MGAT4C: variants seen among roughly 807,000 people sequenced by gnomAD.
MGAT4C encodes alpha-1,3-mannosyl-glycoprotein 4-beta-N-acetylglucosaminyltransferase C.
MGAT4C carries 19 observed loss-of-function variants against 40.1 expected under a neutral mutation model. That is an observed-to-expected ratio of 0.47 (90% CI 0.33 to 0.70). MGAT4C has a LOEUF of 0.70. Ranked by LOEUF, MGAT4C falls within the 30% of genes least tolerant of loss-of-function variation. The pLI, the probability that MGAT4C is intolerant of heterozygous loss-of-function variation, is 0.02. For missense variants in MGAT4C, 491 were observed against 563.2 expected (o/e 0.87, Z 1.30); for synonymous variants, 181 against 187.1 (o/e 0.97, Z 0.27).
At chr12:86,252,822 C>A (rs975661497) in intron 1 of MGAT4C, among the ~76,000 whole-genome samples, 5 of 151,708 alleles carry the variant, frequency 3.3e-5, no homozygotes, top group South Asian at 4.2e-4. Flanking sequence ...GTAAAATAGA[C>A]AATAAAAATA....
intron 1 of MGAT4C, among the ~76,000 whole-genome samples, chr12:86,735,965 C>G (rs554511011): frequency 6.6e-6 from 1 of 151,852 alleles, no homozygotes; most frequent in African/African-American, 2.4e-5. Context: ...TTTGTATTAA[C>G]CACCCTGAAG....
At chr12:86,678,898 A>C (rs1949922069) in intron 2 of MGAT4C, among the ~76,000 whole-genome samples, 1 of 152,098 alleles carries the variant, frequency 6.6e-6, no homozygotes, top group African/African-American at 2.4e-5. Context: ...ATACGTGTGC[A>C]TGTGTCTTTA....
chr12:86,638,015 C>T (rs746873019), intron 2 of MGAT4C, among the ~76,000 whole-genome samples: 9 of 152,012 alleles, frequency 5.9e-5, no homozygotes, highest in East Asian at 5.8e-4. Flanking sequence ...AGACCCTGTA[C>T]GCAGACTTCC....
intron 2 of MGAT4C, among the ~76,000 whole-genome samples, chr12:86,667,072 T>C (rs909980366): frequency 6.6e-6 from 1 of 152,214 alleles, no homozygotes; most frequent in Non-Finnish European, 1.5e-5. Context: ...CTATTTCTTA[T>C]ATGAAACTTT....
intron 2 of MGAT4C, among the ~76,000 whole-genome samples, chr12:86,000,085 A>G (rs891936749): frequency 2.0e-5 from 3 of 152,230 alleles, no homozygotes; most frequent in Non-Finnish European, 4.4e-5. Flanking sequence ...TACAATGTAT[A>G]CACATGCATT....
At chr12:86,774,172 T>G (rs1951689550) in intron 1 of MGAT4C, among the ~76,000 whole-genome samples, 1 of 151,878 alleles carries the variant, frequency 6.6e-6, no homozygotes, top group South Asian at 2.1e-4. Context: ...CAGGCTGGTC[T>G]TGAACTTCTG....
At chr12:86,096,919 CTT>C (rs1269573298) in intron 1 of MGAT4C, among the ~76,000 whole-genome samples, 1 of 151,476 alleles carries the variant, frequency 6.6e-6, no homozygotes, top group African/African-American at 2.4e-5. Flanking sequence ...TTCTCAGCCT[CTT>C]TGTCTTTTTT....
chr12:86,591,506 T>C (rs1334403778), intron 2 of MGAT4C, among the ~76,000 whole-genome samples: 1 of 151,960 alleles, frequency 6.6e-6, no homozygotes, highest in Non-Finnish European at 1.5e-5. Context: ...TATTTTTTAA[T>C]TGATTTTTAC....
intron 2 of MGAT4C, among the ~76,000 whole-genome samples, chr12:86,614,714 A>G (rs998548408): frequency 6.6e-6 from 1 of 151,944 alleles, no homozygotes; most frequent in Non-Finnish European, 1.5e-5. Flanking sequence ...TCCACTGTAA[A>G]GAAAAACCCT....
chr12:86,494,390 ATT>A (rs1481389593), intron 2 of MGAT4C, among the ~76,000 whole-genome samples: 2 of 151,920 alleles, frequency 1.3e-5, no homozygotes, highest in African/African-American at 4.8e-5. Flanking sequence ...AAACTTTTAG[ATT>A]TTGTTTCAAT....
chr12:86,289,004 G>A (rs1488765757), intron 4 of MGAT4C, among the ~76,000 whole-genome samples: 2 of 152,080 alleles, frequency 1.3e-5, no homozygotes, highest in African/African-American at 4.8e-5. Flanking sequence ...TGTTCAGAAT[G>A]GTATTGCCTA....
rs1012367370 is a variant in MGAT4C at position 86,256,365 on chromosome 12, C to T, written c.-183G>A. 6.6e-6 allele frequency: 1 copy of T among 152,094 alleles called. No individual in the cohort carries two copies. The highest frequency in any genetic ancestry group is 2.4e-5 in the African/African-American group (1 of 41,418). 9.4% of individuals were successfully genotyped at this position (152,094 alleles called of 1,614,324 possible). A position where few individuals can be genotyped will look rare whatever the true frequency, so the allele number is the denominator to read the frequency against. Reference sequence around the variant, plus strand: ...GCTCTCAATGAAGAGATGTAAACATCCATCATAATGGCACTGTGCTGAAAC... The same window carrying T: ...GCTCTCAATGAAGAGATGTAAACATTCATCATAATGGCACTGTGCTGAAAC... On this transcript the variant is annotated 5_prime_UTR_variant, in exon 1 of 5. Transcript: ENST00000611864.
chr12:86,504,525 G>C (rs1463524333), intron 2 of MGAT4C, among the ~76,000 whole-genome samples: 1 of 152,082 alleles, frequency 6.6e-6, no homozygotes, highest in Admixed American at 6.6e-5. Flanking sequence ...ATTCAGATTA[G>C]ATTGTTCCTC....
chr12:86,444,947 C>A (rs1029988324), intron 2 of MGAT4C, among the ~76,000 whole-genome samples: 7 of 152,140 alleles, frequency 4.6e-5, no homozygotes, highest in African/African-American at 1.4e-4. Context: ...TATATGACTT[C>A]ATTTATATAA....
At chr12:86,207,484 C>T (rs1302172126) in intron 1 of MGAT4C, among the ~76,000 whole-genome samples, 1 of 151,884 alleles carries the variant, frequency 6.6e-6, no homozygotes, top group Non-Finnish European at 1.5e-5. Context: ...TGTTCTCCTC[C>T]CTGTGTCCAT....
At position 86,073,085 on chromosome 12, in the gene MGAT4C, G is replaced by A. The variant is rs992885659; in HGVS notation, c.-56-23362C>T. ...CCACATGTTATGAGAGGGACCTGGTGGGAGACAATTGAATCATGGGGGTGG... is the reference window on the plus strand; with the variant it reads ...CCACATGTTATGAGAGGGACCTGGTAGGAGACAATTGAATCATGGGGGTGG... On this transcript the variant is annotated intron_variant, in intron 1 of 4. Coordinates refer to ENST00000611864, the MANE Select transcript of MGAT4C (RefSeq NM_001351288.2). Among the ~76,000 whole-genome samples the A allele has an allele frequency of 2.0e-5, 3 of 152,134 alleles. No individual in the cohort carries two copies. In the South Asian group the frequency reaches 6.2e-4, roughly 31 times the overall value.
intron 2 of MGAT4C, among the ~76,000 whole-genome samples, chr12:86,592,491 C>A (rs1166094089): frequency 6.6e-6 from 1 of 152,076 alleles, no homozygotes; most frequent in Non-Finnish European, 1.5e-5. Context: ...AAAAAAGTAT[C>A]ATCAAATTCC....
At chr12:86,556,002 G>A (rs1006232303) in intron 2 of MGAT4C, among the ~76,000 whole-genome samples, 1 of 152,162 alleles carries the variant, frequency 6.6e-6, no homozygotes, top group Admixed American at 6.5e-5. Flanking sequence ...AGATATACAC[G>A]ATGCCTATGC....
rs1177353549 is a variant in MGAT4C at position 86,032,637 on chromosome 12, T to A, written c.-7+17037A>T. Reference sequence around the variant, plus strand: ...TTTGTTTTTTGCTTATTAATTTGTTTAAATTCCTTATAGATTCTGGATATT... The same window carrying A: ...TTTGTTTTTTGCTTATTAATTTGTTAAAATTCCTTATAGATTCTGGATATT... On this transcript the variant is annotated intron_variant, in intron 2 of 4. Transcript: ENST00000611864. 6.0e-5 allele frequency among the ~76,000 whole-genome samples: 9 copies of A among 149,880 alleles called. No individual in the cohort carries two copies. The Admixed American group carries it at 6.0e-4, about 10-fold the overall frequency.
Sources: gnomAD v4.1 joint callset for allele counts (sites outside exome capture counted in the v4.1 genomes callset) on GRCh38, gnomAD v4.1.1 for gene constraint, MANE v1.5 for transcripts, NCBI Gene and HGNC (gene_info 2026-07-23, HGNC 2026-07-21) for gene names.